KCNMB4: variants seen among roughly 807,000 people sequenced by gnomAD.
The protein encoded by KCNMB4 is calcium-activated potassium channel subunit beta-4.
Under a neutral mutation model 20.7 loss-of-function variants are expected in KCNMB4, and 3 were observed. The ratio of observed to expected loss-of-function variants is 0.14; its 90% CI spans 0.07 to 0.37. The LOEUF (loss-of-function observed/expected upper bound fraction) is 0.37, where lower values mean the gene tolerates loss of function less well. Ranked by LOEUF, KCNMB4 falls within the 10% of genes least tolerant of loss-of-function variation. KCNMB4 has a pLI of 1.00. For synonymous variants in KCNMB4, 110 were observed against 113.4 expected (o/e 0.97, Z 0.19); for missense variants, 168 against 265.9 (o/e 0.63, Z 2.56).
chr12:70,415,937 A>G (rs1868903006), intron 2 of KCNMB4, among the ~76,000 whole-genome samples: 1 of 152,236 alleles, frequency 6.6e-6, no homozygotes. Context: ...GGTCCCTGCT[A>G]CATCATAGTT....
chr12:70,374,292 T>C (rs548891431), intron 1 of KCNMB4, among the ~76,000 whole-genome samples: 1 of 152,372 alleles, frequency 6.6e-6, no homozygotes, highest in African/African-American at 2.4e-5. Flanking sequence ...TTTGGGCACT[T>C]ATTTATGAAT....
At chr12:70,422,901 C>T (rs765437990) in intron 2 of KCNMB4, 73 of 1,091,596 alleles carry the variant, frequency 6.7e-5, no homozygotes, top group Admixed American at 4.0e-4. Context: ...AGAGTGGCGA[C>T]GGTTTCCCCA....
At chr12:70,388,646 C>T (rs887543363) in intron 1 of KCNMB4, among the ~76,000 whole-genome samples, 2 of 151,976 alleles carry the variant, frequency 1.3e-5, no homozygotes, top group African/African-American at 4.8e-5. Context: ...TGCCTGTTTG[C>T]CATTTGTATG....
Position 70,366,710 on chromosome 12 carries a change from C to A in KCNMB4, c.-25C>A. On this transcript the variant is annotated 5_prime_UTR_variant, in exon 1 of 3. Coordinates refer to ENST00000258111, the MANE Select transcript of KCNMB4 (RefSeq NM_014505.6). The stretch of plus-strand genomic sequence containing the variant: ...GGGGCGGGAGGGGGCGGGGGGAGCA[C>A]GCCAGCCGCCGAGAGTGGGGGGCGA... The A allele has an allele frequency of 6.6e-7, 1 of 1,518,036 alleles. No individual in the cohort carries two copies. Among genetic ancestry groups the A allele is most frequent in the Non-Finnish European group, 8.8e-7 (1 of 1,134,496 alleles). 94.0% of individuals were successfully genotyped at this position (1,518,036 alleles called of 1,614,324 possible).
At chr12:70,421,494 CTT>C (rs1869055306) in intron 2 of KCNMB4, among the ~76,000 whole-genome samples, 2 of 124,028 alleles carry the variant, frequency 1.6e-5, no homozygotes, top group African/African-American at 3.0e-5. Context: ...AAAAAAAAAA[CTT>C]TTCCCATACA....
chr12:70,431,221 TA>T lies in KCNMB4; in HGVS notation c.*569del, dbSNP rs1215789637. 4 of 152,158 alleles carry T rather than the reference TA, an allele frequency of 2.6e-5. No individual in the cohort carries two copies. The highest frequency in any genetic ancestry group is 5.9e-5 in the Non-Finnish European group (4 of 68,038). The allele number at this position is 152,158 out of a possible 1,614,324, so 9.4% of individuals were successfully genotyped here. On this transcript the variant is annotated 3_prime_UTR_variant, in exon 3 of 3. Coordinates refer to ENST00000258111, the MANE Select transcript of KCNMB4 (RefSeq NM_014505.6). ...TGACGTCTGCTTGGAAAATGAATAGTATACTGGTAACTCAGTCTCCAGTCAC... is the reference window on the plus strand; with the variant it reads ...TGACGTCTGCTTGGAAAATGAATAGTTACTGGTAACTCAGTCTCCAGTCAC...
intron 1 of KCNMB4, among the ~76,000 whole-genome samples, chr12:70,388,623 G>A (rs1203468452): frequency 1.3e-5 from 2 of 152,132 alleles, no homozygotes; most frequent in Admixed American, 1.3e-4. Flanking sequence ...GTGATATTGA[G>A]TACCTTTTCA....
chr12:70,368,720 A>G (rs1883538323), intron 1 of KCNMB4, among the ~76,000 whole-genome samples: 1 of 152,182 alleles, frequency 6.6e-6, no homozygotes, highest in Admixed American at 6.5e-5. Flanking sequence ...TTATTTTAAG[A>G]TAGTGGTTCA....
chr12:70,397,142 C>T (rs762725098), intron 1 of KCNMB4, among the ~76,000 whole-genome samples: 1 of 152,016 alleles, frequency 6.6e-6, no homozygotes, highest in African/African-American at 2.4e-5. Flanking sequence ...ACAATTGAGC[C>T]CAGGAGTTCG....
chr12:70,401,896 T>C (rs959317323), intron 2 of KCNMB4, among the ~76,000 whole-genome samples: 15 of 152,230 alleles, frequency 9.9e-5, no homozygotes, highest in Admixed American at 9.2e-4. Context: ...TTGAATAATA[T>C]CACTTCTGAC....
chr12:70,392,797 A>G (rs557196306), intron 1 of KCNMB4, among the ~76,000 whole-genome samples: 5 of 152,266 alleles, frequency 3.3e-5, no homozygotes, highest in African/African-American at 9.6e-5. Flanking sequence ...ACATAGGGAC[A>G]TAGGGAGGGC....
At chr12:70,411,884 G>T (rs748619907) in intron 2 of KCNMB4, among the ~76,000 whole-genome samples, 16 of 152,186 alleles carry the variant, frequency 1.1e-4, no homozygotes, top group Non-Finnish European at 2.4e-4. Flanking sequence ...GGCAGTGGAG[G>T]AGTGACAGTC....
At chr12:70,378,519 GTATTTTT>G (rs1226678739) in intron 1 of KCNMB4, among the ~76,000 whole-genome samples, 2 of 152,088 alleles carry the variant, frequency 1.3e-5, no homozygotes, top group African/African-American at 2.4e-5. Flanking sequence ...TTTATGAAGT[GTATTTTT>G]TATTTTTTAT....
At chr12:70,401,806 T>C (rs1221245802) in intron 2 of KCNMB4, among the ~76,000 whole-genome samples, 1 of 152,128 alleles carries the variant, frequency 6.6e-6, no homozygotes, top group Admixed American at 6.5e-5. Context: ...CCTCTCATTC[T>C]TCAGTAGGCT....
chr12:70,402,457 G>A (rs1326000640), intron 2 of KCNMB4, among the ~76,000 whole-genome samples: 1 of 151,926 alleles, frequency 6.6e-6, no homozygotes, highest in African/African-American at 2.4e-5. Context: ...AGCCTGGGCA[G>A]CGTAGGGAGA....
chr12:70,422,761 G>T, intron 2 of KCNMB4: 1 of 1,286,076 alleles, frequency 7.8e-7, no homozygotes, highest in Non-Finnish European at 1.0e-6. Flanking sequence ...TCTCCGGCAG[G>T]GGTTATCCTT....
chr12:70,398,096 A>G (rs935658173), intron 1 of KCNMB4, among the ~76,000 whole-genome samples: 2 of 152,206 alleles, frequency 1.3e-5, no homozygotes, highest in African/African-American at 4.8e-5. Context: ...TTTCTAATGC[A>G]AAGTGCTGGC....
At chr12:70,387,767 A>C (rs1868269396) in intron 1 of KCNMB4, among the ~76,000 whole-genome samples, 1 of 152,156 alleles carries the variant, frequency 6.6e-6, no homozygotes, top group Non-Finnish European at 1.5e-5. Flanking sequence ...ACATAAGCAC[A>C]TCATGGAGAA....
chr12:70,370,276 G>A (rs1056584537), intron 1 of KCNMB4, among the ~76,000 whole-genome samples: 2 of 150,928 alleles, frequency 1.3e-5, no homozygotes, highest in South Asian at 2.1e-4. Context: ...AAAAGATATT[G>A]TTGGTGCTAC....
Sources: gnomAD v4.1 joint callset for allele counts (sites outside exome capture counted in the v4.1 genomes callset) on GRCh38, gnomAD v4.1.1 for gene constraint, MANE v1.5 for transcripts, NCBI Gene and HGNC (gene_info 2026-07-23, HGNC 2026-07-21) for gene names.